NOL8: variants seen among roughly 807,000 people sequenced by gnomAD.
NOL8 encodes nucleolar protein Nop132.
Under a neutral mutation model 116.1 loss-of-function variants are expected in NOL8, and 93 were observed. That is an observed-to-expected ratio of 0.80 (90% CI 0.68 to 0.95). The LOEUF (loss-of-function observed/expected upper bound fraction) is 0.95. Among genes scored for constraint, NOL8 ranks in the 40% least tolerant of loss-of-function variants. NOL8 has a pLI of 0.00. For synonymous variants in NOL8, 419 were observed against 469.0 expected, an observed-to-expected ratio of 0.89 and a Z score of 1.38; for missense variants, 1,291 against 1,382.8, an observed-to-expected ratio of 0.93 and a Z score of 1.05.
intron 2 of NOL8, 75 bp downstream of exon 2, chr9:92,323,948 G>C: frequency 6.7e-7 from 1 of 1,488,524 alleles, no homozygotes. Context: ...CATTTATCTT[G>C]GGGTTGTTTT....
In NOL8 at chr9:92,315,383, A is replaced by AT; in HGVS notation, c.1241dup (p.Asn414LysfsTer2). Reference sequence around the variant, plus strand: ...GATCAGAAAGCTCACAGTTTTCTCTATTTTTGAAAGAAGTTTTCTTCGTAG... The same window carrying AT: ...GATCAGAAAGCTCACAGTTTTCTCTATTTTTTGAAAGAAGTTTTCTTCGTAG... On this transcript the variant is annotated frameshift_variant, in exon 7 of 17. Coordinates refer to ENST00000442668, the MANE Select transcript of NOL8 (RefSeq NM_017948.6). LOFTEE classifies it high-confidence loss of function. 6.2e-7 allele frequency: 1 copy of AT among 1,601,360 alleles called. No individual in the cohort carries two copies. Among genetic ancestry groups the AT allele is most frequent in the Non-Finnish European group, 8.5e-7 (1 of 1,172,768 alleles).
chr9:92,300,570 C>T (rs774538159), intron 13 of NOL8: 61 of 995,366 alleles, frequency 6.1e-5, no homozygotes, highest in East Asian at 1.1e-4. Context: ...CTTTAGGACT[C>T]GTTTCAAGGT....
Position 92,323,218 on chromosome 9 carries a change from A to G in NOL8, c.202+223T>C. ...CTTGTCCAAAATATTTGAGAATAGC[A>G]GTTTTAAGTAAACCCACCAGTAAAG... On this transcript the variant is annotated intron_variant, in intron 3 of 16. Transcript: ENST00000442668. 9.6e-6 allele frequency: 12 copies of G among 1,252,280 alleles called. 1 individual carries two copies. The highest frequency in any genetic ancestry group is 1.3e-5 in the Non-Finnish European group (12 of 942,270). The allele number at this position is 1,252,280 out of a possible 1,614,324, so 77.6% of individuals were successfully genotyped here. A position where few individuals can be genotyped will look rare whatever the true frequency, so the allele number is the denominator to read the frequency against.
At chr9:92,323,153 G>T in intron 3 of NOL8, 1 of 469,824 alleles carries the variant, frequency 2.1e-6, no homozygotes, top group Non-Finnish European at 3.7e-6. Context: ...GATATTCAGT[G>T]GGATATATGT....
At chr9:92,316,587 T>G (rs534066226) in intron 6 of NOL8, among the ~76,000 whole-genome samples, 1 of 152,296 alleles carries the variant, frequency 6.6e-6, no homozygotes, top group East Asian at 1.9e-4. Context: ...TTCTTACTCA[T>G]CCTAACTCTG....
rs761506619 is a variant in NOL8, at chr9:92,316,099, T to G, written c.526A>C (p.Lys176Gln). The change falls in exon 7 of 17, where the codon AAG (lysine) becomes CAG (glutamine). Residue 176 changes from lysine (K) to glutamine (Q), a missense_variant. Lys to Gln is a moderately conservative substitution (Grantham distance 53). Transcript: ENST00000442668. Reference protein sequence around the residue: ...YDPSKYCHNLKKIGEDFSNTI... With the variant: ...YDPSKYCHNLQKIGEDFSNTI... ...TTTGAGAAATCCTCCCCTATCTTCTTCAGGTTGTGGCAGTATTTTGAGGGA... is the reference window on the plus strand; with the variant it reads ...TTTGAGAAATCCTCCCCTATCTTCTGCAGGTTGTGGCAGTATTTTGAGGGA... 6.2e-7 allele frequency: 1 copy of G among 1,613,976 alleles called. No individual in the cohort carries two copies. Among genetic ancestry groups the G allele is most frequent in the South Asian group, 1.1e-5 (1 of 91,082 alleles).
chr9:92,311,618 A>G (rs1373201352), intron 7 of NOL8, among the ~76,000 whole-genome samples: 1 of 152,236 alleles, frequency 6.6e-6, no homozygotes, highest in East Asian at 1.9e-4. Flanking sequence ...ATCACTGATC[A>G]TTAGAGGAAT....
At position 92,314,837 on chromosome 9, in the gene NOL8, G is replaced by T; in HGVS notation, c.1788C>A (p.Asn596Lys). 2 of 1,613,208 alleles carry T rather than the reference G, an allele frequency of 1.2e-6. No homozygotes were observed. The highest frequency in any genetic ancestry group is 8.5e-7 in the Non-Finnish European group (1 of 1,179,616). Residue 596 changes from asparagine to lysine, a missense_variant, in exon 7 of 17, where the codon AAC becomes AAA. Transcript: ENST00000442668. ...KKSLKDSVAS[N>K]NKDQNSMKHE... ...GTTTCATGGAATTCTGATCTTTATT[G>T]TTAGAGGCAACACTGTCTTTCAAGG... is the stretch of plus-strand genomic sequence containing the variant.
chr9:92,300,481 C>T, intron 13 of NOL8: 2 of 988,852 alleles, frequency 2.0e-6, no homozygotes, highest in East Asian at 1.1e-4. Flanking sequence ...AAAACTACTG[C>T]TATAAGATCA....
rs199836307 is a variant in NOL8 at position 92,314,344 on chromosome 9, G to A, written c.2281C>T (p.Arg761Cys). Reference protein sequence around the residue: ...KDKHAEDNEKRLAALEARQKA... With the variant: ...KDKHAEDNEKCLAALEARQKA... ...TGCCTCGCTTCCAAGGCTGCCAAAC[G>A]CTTCTCATTGTCTTCAGCATGCTTA... Residue 761 changes from arginine (R) to cysteine (C), a missense_variant, in exon 7 of 17, where the codon CGT becomes TGT. Physicochemically the swap from Arg to Cys is radical, Grantham distance 180. Coordinates refer to ENST00000442668, the MANE Select transcript of NOL8 (RefSeq NM_017948.6). 105 of 1,610,354 alleles carry A rather than the reference G, an allele frequency of 6.5e-5. No homozygotes were observed. Among genetic ancestry groups the A allele is most frequent in the Non-Finnish European group, 7.6e-5 (89 of 1,177,160 alleles).
At position 92,311,592 on chromosome 9, in the gene NOL8, A is replaced by C. The variant is rs189781992; in HGVS notation, c.2359-333T>G. ...ACAAACACATGGCCAACAAGCATAC[A>C]AAAAAAATGCTCAACATCACTGATC... is the stretch of plus-strand genomic sequence containing the variant. On this transcript the variant is annotated intron_variant, in intron 7 of 16. Coordinates refer to ENST00000442668, the MANE Select transcript of NOL8 (RefSeq NM_017948.6). 2.5e-3 allele frequency among the ~76,000 whole-genome samples: 378 copies of C among 152,174 alleles called. 3 individuals carry two copies. Among genetic ancestry groups the C allele is most frequent in the Non-Finnish European group, 4.5e-3 (306 of 68,012 alleles).
chr9:92,310,824 C>G, intron 8 of NOL8, 149 bp from the exon 9 acceptor site: 1 of 817,810 alleles, frequency 1.2e-6, no homozygotes, highest in Non-Finnish European at 1.9e-6. Context: ...AAATTCCTGA[C>G]TCAGTGAAAT....
rs886252576 is a variant in NOL8 at position 92,315,356 on chromosome 9, G to A, written c.1269C>T (p.His423=). 3 of 1,610,728 alleles carry A rather than the reference G, an allele frequency of 1.9e-6. No individual in the cohort carries two copies. The highest frequency in any genetic ancestry group is 1.3e-5 in the African/African-American group (1 of 74,870). ...TTTTTCTTTTTTGTAGTTTAATACA[G>A]TGATCAGAAAGCTCACAGTTTTCTC... is the stretch of plus-strand genomic sequence containing the variant. ...KNRENCELSD[H]CIKLQKRKSN... Residue 423 remains histidine (H), a synonymous_variant, in exon 7 of 17, where the codon CAC becomes CAT. Coordinates refer to ENST00000442668, the MANE Select transcript of NOL8 (RefSeq NM_017948.6).
chr9:92,319,298 C>T lies in NOL8; in HGVS notation c.340G>A (p.Ala114Thr), dbSNP rs758490694. The T allele has an allele frequency of 3.1e-6, 5 of 1,596,902 alleles. No individual in the cohort carries two copies. The highest frequency in any genetic ancestry group is 1.4e-5 in the African/African-American group (1 of 72,920). ...AKKEESTTGN[A>T]NLLEKTGGVD... is the part of the protein sequence containing the mutation. Reference sequence around the variant, plus strand: ...CCTCCTGTCTTTTCTAACAAGTTGGCGTTACCTGTTGTTGATTCTTCTTTC... The same window carrying T: ...CCTCCTGTCTTTTCTAACAAGTTGGTGTTACCTGTTGTTGATTCTTCTTTC... Residue 114 changes from alanine (A) to threonine (T), a missense_variant, in exon 5 of 17, where the codon GCC (alanine) becomes ACC (threonine). Coordinates refer to ENST00000442668, the MANE Select transcript of NOL8 (RefSeq NM_017948.6).
At chr9:92,310,698 T>C (rs761218002) in intron 8 of NOL8, 23 bp from the exon 9 acceptor site, 2 of 1,584,766 alleles carry the variant, frequency 1.3e-6, no homozygotes, top group African/African-American at 1.4e-5. Flanking sequence ...ACAACATTTA[T>C]TAATAGCAGA....
chr9:92,318,493 CA>C (rs1259779494), intron 6 of NOL8, 124 bp downstream of exon 6: 1 of 706,126 alleles, frequency 1.4e-6, no homozygotes, highest in East Asian at 2.9e-5. Flanking sequence ...AGGTGAGTAC[CA>C]AGAAACTGGG....
At chr9:92,303,419 T>C (rs565084743) in intron 12 of NOL8, among the ~76,000 whole-genome samples, 3 of 152,346 alleles carry the variant, frequency 2.0e-5, no homozygotes, top group Admixed American at 2.0e-4. Flanking sequence ...AATGAAAATT[T>C]CAGTGTCCTT....
chr9:92,316,189 A>C, intron 6 of NOL8, 51 bp from the exon 7 acceptor site: 2 of 1,540,578 alleles, frequency 1.3e-6, no homozygotes, highest in Non-Finnish European at 1.8e-6. Context: ...AGGAAAACTC[A>C]TCAATCTTTG....
chr9:92,313,270 G>GGGGAGAC (rs1183551124), intron 7 of NOL8, among the ~76,000 whole-genome samples: 1 of 152,084 alleles, frequency 6.6e-6, no homozygotes, highest in Non-Finnish European at 1.5e-5. Flanking sequence ...GGCTCTCCTT[G>GGGGAGAC]GTTACAGACG....
Sources: allele counts gnomAD v4.1 joint callset (sites outside exome capture counted in the v4.1 genomes callset), GRCh38; gene constraint gnomAD v4.1.1; transcripts MANE v1.5; gene names NCBI Gene and HGNC (gene_info 2026-07-23, HGNC 2026-07-21).